RERE: variants seen among roughly 807,000 people sequenced by gnomAD.
RERE encodes the protein arginine-glutamic acid dipeptide repeats.
Under a neutral mutation model 146.1 loss-of-function variants are expected in RERE, and 40 were observed. The ratio of observed to expected loss-of-function variants is 0.27; its 90% confidence interval spans 0.21 to 0.36. The LOEUF (loss-of-function observed/expected upper bound fraction) is 0.36, where lower values mean the gene tolerates loss of function less well. RERE is among the 10% of genes least tolerant of loss of function. The probability of loss-of-function intolerance (pLI) is 1.00; values close to 1 mark genes in which losing one functional copy is unlikely to be tolerated. For synonymous variants in RERE, 1,003 were observed against 866.0 expected (o/e 1.16, Z -2.78); for missense variants, 1,933 against 2,138.7 (o/e 0.90, Z 1.90).
At chr1:8,509,069 C>T (rs1160301420) in intron 7 of RERE, among the ~76,000 whole-genome samples, 1 of 152,172 alleles carries the variant, frequency 6.6e-6, no homozygotes. Flanking sequence ...TGCCTACCAC[C>T]ACGCCCGGCT....
chr1:8,371,696 T>G (rs560522794), intron 12 of RERE, among the ~76,000 whole-genome samples: 1 of 152,198 alleles, frequency 6.6e-6, no homozygotes, highest in African/African-American at 2.4e-5. Context: ...ACGTAAGACA[T>G]CAGCACAGGT....
chr1:8,685,537 C>T (rs1340433404), intron 1 of RERE, among the ~76,000 whole-genome samples: 4 of 152,016 alleles, frequency 2.6e-5, no homozygotes, highest in Admixed American at 2.0e-4. Flanking sequence ...CTGGCTAACA[C>T]GGTGAAACCC....
At chr1:8,559,209 G>C (rs1282553364) in intron 4 of RERE, among the ~76,000 whole-genome samples, 1 of 141,324 alleles carries the variant, frequency 7.1e-6, no homozygotes, top group Non-Finnish European at 1.5e-5. Flanking sequence ...GAACCTGGGA[G>C]GCGGAAGTTG....
At chr1:8,817,032 A>AC (rs1419418132) in intron 1 of RERE, 128 bp downstream of exon 1, 1 of 151,652 alleles carries the variant, frequency 6.6e-6, no homozygotes, top group Non-Finnish European at 1.5e-5. Flanking sequence ...TTCGGCTTCG[A>AC]CCCCAGCCTT....
At chr1:8,661,520 G>T (rs1006198446) in intron 1 of RERE, among the ~76,000 whole-genome samples, 4 of 152,166 alleles carry the variant, frequency 2.6e-5, no homozygotes, top group Non-Finnish European at 5.9e-5. Context: ...CTCAAGGAGC[G>T]CAGTGGGGCA....
At chr1:8,406,726 T>C (rs1187334029) in intron 12 of RERE, among the ~76,000 whole-genome samples, 4 of 152,170 alleles carry the variant, frequency 2.6e-5, no homozygotes, top group Middle Eastern at 3.2e-3. Context: ...GTATGTGTTT[T>C]TGGGAGAGGG....
In RERE at chr1:8,359,973, G is replaced by C. The variant is rs1236903387; in HGVS notation, c.3409C>G (p.Leu1137Val). Residue 1137 changes from leucine (L) to valine (V), a missense_variant, in exon 19 of 23, where the codon CTG (leucine) becomes GTG (valine). Physicochemically the swap from Leu to Val is conservative, Grantham distance 32 (BLOSUM62 1). This residue lies in a region of RERE where 1,255 missense variants were observed against 1,153.8 expected (regional missense o/e 1.09). Coordinates refer to ENST00000400908, the MANE Select transcript of RERE (RefSeq NM_001042681.2). The stretch of plus-strand genomic sequence containing the variant: ...GCACACGAGTTGTAGCCCCGGTCCA[G>C]GTGTTTGTAGAACCTGAGAAAAGCC... ...ASQSARFYKH[L>V]DRGYNSCART... is the part of the protein sequence containing the mutation. 9 of 1,612,664 alleles carry C rather than the reference G, an allele frequency of 5.6e-6. No individual in the cohort carries two copies. Among genetic ancestry groups the C allele is most frequent in the African/African-American group, 5.3e-5 (4 of 74,938 alleles).
At chr1:8,486,053 C>T (rs1292984701) in intron 10 of RERE, among the ~76,000 whole-genome samples, 2 of 152,140 alleles carry the variant, frequency 1.3e-5, no homozygotes, top group African/African-American at 4.8e-5. Flanking sequence ...CCACCTCGGC[C>T]TCCCAAAGTG....
intron 4 of RERE, among the ~76,000 whole-genome samples, chr1:8,584,820 C>CT (rs1426985423): frequency 3.3e-5 from 5 of 152,128 alleles, no homozygotes; most frequent in Admixed American, 1.3e-4. Context: ...AGTATTGTTA[C>CT]TCTGAAACTA....
intron 11 of RERE, chr1:8,465,193 T>A (rs1644579852): frequency 6.5e-6 from 1 of 154,172 alleles, no homozygotes; most frequent in Non-Finnish European, 1.4e-5. Flanking sequence ...TGTAGCTTCA[T>A]TAAAACTGTC....
At chr1:8,675,165 A>G (rs193081210) in intron 1 of RERE, among the ~76,000 whole-genome samples, 4 of 152,324 alleles carry the variant, frequency 2.6e-5, no homozygotes, top group Admixed American at 2.6e-4. Context: ...AAAGTGACTA[A>G]CAATATGACT....
In RERE at chr1:8,362,790, T is replaced by C. The variant is rs771438084; in HGVS notation, c.1795A>G (p.Thr599Ala). ...KKQPASPDGR[T>A]SPINEDIRSS... ...CGGATGTCTTCATTGATGGGTGAGG[T>C]GCGACCATCAGGGCTGGCTGGCTGC... The change falls in exon 16 of 23, where the codon ACC becomes GCC. Residue 599 changes from threonine to alanine, a missense_variant. Physicochemically the swap from Thr to Ala is moderately conservative, Grantham distance 58. This residue lies in a region of RERE where 1,255 missense variants were observed against 1,153.8 expected (regional missense o/e 1.09). Transcript: ENST00000400908. The C allele has an allele frequency of 1.9e-6, 3 of 1,614,106 alleles. No individual in the cohort carries two copies. The highest frequency in any genetic ancestry group is 1.7e-5 in the Admixed American group (1 of 60,020).
In RERE at chr1:8,653,649, C is replaced by T. The variant is rs543719072; in HGVS notation, c.325+2324G>A. ...GGCGGAGCTTGCAGTGAGCCAAGAT[C>T]GCGCCACTGCACTCCAGCCTAAGCA... On this transcript the variant is annotated intron_variant, in intron 2 of 22. Transcript: ENST00000400908. Among the ~76,000 whole-genome samples, 101 of 147,320 alleles carry T rather than the reference C, an allele frequency of 6.9e-4. 1 individual carries two copies. Among genetic ancestry groups the T allele is most frequent in the African/African-American group, 2.5e-3 (97 of 39,494 alleles).
chr1:8,471,516 G>GC (rs1557647021), intron 10 of RERE, among the ~76,000 whole-genome samples: 1 of 115,730 alleles, frequency 8.6e-6, no homozygotes, highest in African/African-American at 3.3e-5. Flanking sequence ...GCCCGGGGTT[G>GC]CTTTTTTTTT....
At chr1:8,481,036 GGAA>G (rs748129963) in intron 10 of RERE, among the ~76,000 whole-genome samples, 13 of 152,354 alleles carry the variant, frequency 8.5e-5, no homozygotes, top group South Asian at 4.1e-4. Flanking sequence ...CTAGGAAACA[GGAA>G]GGAGATGCAG....
At chr1:8,362,255 G>A (rs754391287) in intron 16 of RERE, among the ~76,000 whole-genome samples, 4 of 152,158 alleles carry the variant, frequency 2.6e-5, no homozygotes, top group African/African-American at 7.2e-5. Flanking sequence ...AGTAACCTAG[G>A]GATGATTTAG....
chr1:8,627,898 T>C (rs920999500), intron 2 of RERE, among the ~76,000 whole-genome samples: 1 of 152,180 alleles, frequency 6.6e-6, no homozygotes, highest in African/African-American at 2.4e-5. Flanking sequence ...AACATGCCGG[T>C]ATGTCAAGAG....
At chr1:8,750,383 AC>A in intron 1 of RERE, 1 of 673,648 alleles carries the variant, frequency 1.5e-6, no homozygotes, top group Non-Finnish European at 2.6e-6. Context: ...AGTGTCACAA[AC>A]CCAGTAGTCT....
chr1:8,731,191 T>C (rs925264743), intron 1 of RERE, among the ~76,000 whole-genome samples: 2 of 152,190 alleles, frequency 1.3e-5, no homozygotes, highest in African/African-American at 4.8e-5. Flanking sequence ...GCTTGAGAGT[T>C]AAAACTTCTG....
Sources: gnomAD v4.1 joint callset for allele counts (sites outside exome capture counted in the v4.1 genomes callset) on GRCh38, gnomAD v4.1.1 for gene constraint, gnomAD v4.1.1 regional missense constraint, MANE v1.5 for transcripts, NCBI Gene and HGNC (gene_info 2026-07-23, HGNC 2026-07-21) for gene names.